The following DCAF5 variants were observed in gnomAD, a reference collection of about 807,000 sequenced individuals.
The protein encoded by DCAF5 is DDB1- and CUL4-associated factor 5.
In DCAF5, 9 loss-of-function variants were observed where a neutral mutation model predicts 80.7. The observed-to-expected ratio is 0.11, with a 90% CI of 0.07 to 0.19. The LOEUF (loss-of-function observed/expected upper bound fraction) is 0.19, where lower values mean the gene tolerates loss of function less well. Ranked by LOEUF, DCAF5 falls within the 10% of genes least tolerant of loss-of-function variation. The pLI, the probability that DCAF5 is intolerant of heterozygous loss-of-function variation, is 1.00. For synonymous variants in DCAF5, 433 were observed against 461.9 expected, an observed-to-expected ratio of 0.94 and a Z score of 0.80; for missense variants, 842 against 1,205.7, an observed-to-expected ratio of 0.70 and a Z score of 4.47.
At position 69,051,901 on chromosome 14, in the gene DCAF5, T is replaced by C. The variant is rs1454862023; in HGVS notation, c.*1956A>G. 7.2e-5 allele frequency: 11 copies of C among 152,652 alleles called. No homozygotes were observed. The allele number at this position is 152,652 out of a possible 1,614,324, so 9.5% of individuals were successfully genotyped here. ...ATTAAAAAATTCCAATTTAATACAT[T>C]TTGGAAAAGCAAATGTAAAATGACT... On this transcript the variant is annotated 3_prime_UTR_variant, in exon 9 of 9. Coordinates refer to ENST00000341516, the MANE Select transcript of DCAF5 (RefSeq NM_003861.3).
In DCAF5 at chr14:69,105,944, T is replaced by TATATATATATATATA. The variant is rs35270301; in HGVS notation, c.665+10421_665+10422insTATATATATATATAT. 4.3e-3 allele frequency among the ~76,000 whole-genome samples: 367 copies of TATATATATATATATA among 85,176 alleles called. 49 individuals are homozygous for TATATATATATATATA. Among genetic ancestry groups the TATATATATATATATA allele is most frequent in the Middle Eastern group, 8.1e-3 (1 of 124 alleles). The allele number at this position is 85,176 out of a possible 152,430, so 55.9% of individuals were successfully genotyped here. ...ATATATATATATATATATATATATA[T>TATATATATATATATA]ATCTCCTATTGGTTCTGTTCCTCTG... On this transcript the variant is annotated intron_variant, in intron 5 of 8. Coordinates refer to ENST00000341516, the MANE Select transcript of DCAF5 (RefSeq NM_003861.3).
intron 8 of DCAF5, among the ~76,000 whole-genome samples, chr14:69,059,149 T>A (rs1366931011): frequency 1.3e-5 from 2 of 152,142 alleles, no homozygotes; most frequent in African/African-American, 4.8e-5. Flanking sequence ...TGCAGTGGCA[T>A]GAACATGGCC....
At position 69,053,790 on chromosome 14, in the gene DCAF5, T is replaced by G; in HGVS notation, c.*67A>C. 1 of 1,453,834 alleles carries G rather than the reference T, an allele frequency of 6.9e-7. No homozygotes were observed. 90.1% of individuals were successfully genotyped at this position (1,453,834 alleles called of 1,614,324 possible). A position where few individuals can be genotyped will look rare whatever the true frequency, so the allele number is the denominator to read the frequency against. On this transcript the variant is annotated 3_prime_UTR_variant, in exon 9 of 9. Coordinates refer to ENST00000341516, the MANE Select transcript of DCAF5 (RefSeq NM_003861.3). Reference sequence around the variant, plus strand: ...ATACTTGTTTTTCCTTTCCTCTGTATTCACTAAACAATTTTTTTTTTTTTG... The same window carrying G: ...ATACTTGTTTTTCCTTTCCTCTGTAGTCACTAAACAATTTTTTTTTTTTTG...
intron 8 of DCAF5, among the ~76,000 whole-genome samples, chr14:69,059,422 C>T (rs2038117202): frequency 6.6e-6 from 1 of 152,158 alleles, no homozygotes; most frequent in African/African-American, 2.4e-5. Context: ...GCTCTTTGAG[C>T]CACTGATCCT....
intron 6 of DCAF5, among the ~76,000 whole-genome samples, chr14:69,086,574 C>T (rs1450144274): frequency 6.7e-6 from 1 of 149,822 alleles, no homozygotes; most frequent in Non-Finnish European, 1.5e-5. Flanking sequence ...GAACATATGG[C>T]ATGCCAGGCC....
rs979994536 is a variant in DCAF5 at position 69,053,157 on chromosome 14, C to G, written c.*700G>C. 1.3e-5 allele frequency: 2 copies of G among 152,226 alleles called. No homozygotes were observed. Among genetic ancestry groups the G allele is most frequent in the African/African-American group, 2.4e-5 (1 of 41,452 alleles). 9.4% of individuals were successfully genotyped at this position (152,226 alleles called of 1,614,324 possible). On this transcript the variant is annotated 3_prime_UTR_variant, in exon 9 of 9. Coordinates refer to ENST00000341516, the MANE Select transcript of DCAF5 (RefSeq NM_003861.3). ...GTGAAATTTATCAGGAATCTATATT[C>G]TCTTGAATCTGATCTTAAGTGCTAA... is the stretch of plus-strand genomic sequence containing the variant.
At chr14:69,105,945 A>ATATATATATATATATATATATC (rs1566759384) in intron 5 of DCAF5, among the ~76,000 whole-genome samples, 5 of 66,662 alleles carry the variant, frequency 7.5e-5, no homozygotes, top group Non-Finnish European at 2.2e-4. Context: ...ATATATATAT[A>ATATATATATATATATATATATC]TCTCCTATTG....
At chr14:69,086,260 T>G (rs1430143843) in intron 6 of DCAF5, among the ~76,000 whole-genome samples, 1 of 151,960 alleles carries the variant, frequency 6.6e-6, no homozygotes, top group Non-Finnish European at 1.5e-5. Context: ...CCGGAGGCTG[T>G]GGCACGAGAA....
In DCAF5 at chr14:69,070,922, C is replaced by T. The variant is rs190859548; in HGVS notation, c.946+4423G>A. 3.2e-3 allele frequency among the ~76,000 whole-genome samples: 487 copies of T among 152,068 alleles called. 1 individual carries two copies. Among genetic ancestry groups the T allele is most frequent in the South Asian group, 0.015 (71 of 4,814 alleles). Reference sequence around the variant, plus strand: ...AAGCGTTTCTTCTGCCACAGCCTCCCGAGTAGCTGGGATGATGGGTGTGCA... The same window carrying T: ...AAGCGTTTCTTCTGCCACAGCCTCCTGAGTAGCTGGGATGATGGGTGTGCA... On this transcript the variant is annotated intron_variant, in intron 7 of 8. Coordinates refer to ENST00000341516, the MANE Select transcript of DCAF5 (RefSeq NM_003861.3).
At chr14:69,067,651 T>C (rs570567354) in intron 7 of DCAF5, among the ~76,000 whole-genome samples, 3 of 151,596 alleles carry the variant, frequency 2.0e-5, no homozygotes, top group South Asian at 4.2e-4. Flanking sequence ...AGCCCAGATA[T>C]TCTTTTTTTT....
chr14:69,114,433 T>C (rs2040476059), intron 5 of DCAF5, among the ~76,000 whole-genome samples: 1 of 152,334 alleles, frequency 6.6e-6, no homozygotes, highest in African/African-American at 2.4e-5. Flanking sequence ...AAACATATTG[T>C]TAATTTAAAA....
chr14:69,076,376 T>C (rs1200453767), intron 6 of DCAF5, among the ~76,000 whole-genome samples: 1 of 152,056 alleles, frequency 6.6e-6, no homozygotes, highest in East Asian at 1.9e-4. Context: ...AGCCAAAAGG[T>C]GGAAACAACC....
chr14:69,081,090 CA>C (rs955790278), intron 6 of DCAF5, among the ~76,000 whole-genome samples: 1 of 151,406 alleles, frequency 6.6e-6, no homozygotes, highest in African/African-American at 2.4e-5. Flanking sequence ...AAATAAAAAA[CA>C]AAAAAAATGA....
At chr14:69,105,447 G>A (rs2040103575) in intron 5 of DCAF5, among the ~76,000 whole-genome samples, 1 of 152,164 alleles carries the variant, frequency 6.6e-6, no homozygotes, top group African/African-American at 2.4e-5. Context: ...ACTGGACTCA[G>A]GCATGCCTAC....
Position 69,119,174 on chromosome 14 carries a change from C to A in DCAF5, c.395+20G>T, listed in dbSNP as rs1451984099. On this transcript the variant is annotated intron_variant, in intron 3 of 8. Coordinates refer to ENST00000341516, the MANE Select transcript of DCAF5 (RefSeq NM_003861.3). ...TGAAAAACAAAGTCAATCACCTTCACACACCACCAATCTATTTACCTTTCA... is the reference window on the plus strand; with the variant it reads ...TGAAAAACAAAGTCAATCACCTTCAAACACCACCAATCTATTTACCTTTCA... 1 of 1,610,914 alleles carries A rather than the reference C, an allele frequency of 6.2e-7. No individual in the cohort carries two copies. The highest frequency in any genetic ancestry group is 1.3e-5 in the African/African-American group (1 of 74,762).
intron 7 of DCAF5, among the ~76,000 whole-genome samples, chr14:69,068,351 T>C (rs2038544337): frequency 6.6e-6 from 1 of 152,222 alleles, no homozygotes; most frequent in Non-Finnish European, 1.5e-5. Flanking sequence ...TGAGGTTTGG[T>C]AAGTAGATTT....
Position 69,152,660 on chromosome 14 carries a change from G to C in DCAF5, c.214+105C>G, listed in dbSNP as rs1044041691. 2.9e-5 allele frequency: 23 copies of C among 796,700 alleles called. No homozygotes were observed. Among genetic ancestry groups the C allele is most frequent in the Admixed American group, 7.5e-5 (3 of 40,256 alleles). 49.4% of individuals were successfully genotyped at this position (796,700 alleles called of 1,614,324 possible). On this transcript the variant is annotated intron_variant, in intron 1 of 8. Coordinates refer to ENST00000341516, the MANE Select transcript of DCAF5 (RefSeq NM_003861.3). This position sits in a 1 kb window ranked among gnomAD's most constrained non-coding sequence, Gnocchi z 4.1. ...CCACCGCAGAAGGGGGTAGAGAAAG[G>C]GAGGGGGTGGGGACAGAGGGCAGGA...
At chr14:69,097,401 T>C (rs911337277) in intron 5 of DCAF5, among the ~76,000 whole-genome samples, 1 of 152,102 alleles carries the variant, frequency 6.6e-6, no homozygotes, top group African/African-American at 2.4e-5. Flanking sequence ...AATTTTTTTA[T>C]AGTAACCCTT....
chr14:69,102,496 C>T (rs1325798507), intron 5 of DCAF5, among the ~76,000 whole-genome samples: 1 of 149,598 alleles, frequency 6.7e-6, no homozygotes, highest in African/African-American at 2.4e-5. Context: ...AAAACAGGCA[C>T]ATTGTGCAGC....
Sources: allele counts gnomAD v4.1 joint callset (sites outside exome capture counted in the v4.1 genomes callset), GRCh38; gene constraint gnomAD v4.1.1; non-coding constraint Gnocchi (gnomAD v3.1); transcripts MANE v1.5; gene names NCBI Gene and HGNC (gene_info 2026-07-23, HGNC 2026-07-21).